Variants in SCGB2B2 observed in about 807,000 individuals in gnomAD.
SCGB2B2 encodes secretoglobin family 2B member 2.
SCGB2B2 carries 11 observed loss-of-function variants against 7.6 expected under a neutral mutation model. The observed-to-expected ratio is 1.45, with a 90% CI of 0.91 to 2.40. The LOEUF is 2.40. SCGB2B2 is among the 30% of genes most tolerant of loss of function. The probability of loss-of-function intolerance (pLI) is 0.00; values close to 1 mark genes in which losing one functional copy is unlikely to be tolerated. For synonymous variants in SCGB2B2, 50 were observed against 48.6 expected (o/e 1.03, Z -0.12); for missense variants, 104 against 115.4 (o/e 0.90, Z 0.45).
At chr19:34,658,141 G>C (rs910931622) in intron 1 of SCGB2B2, among the ~76,000 whole-genome samples, 1 of 152,302 alleles carries the variant, frequency 6.6e-6, no homozygotes, top group Admixed American at 6.5e-5. Context: ...ACAAGAGAAA[G>C]GAGGAGAGAT....
rs374230565 is a variant in SCGB2B2, at chr19:34,673,228, G to GCT, written c.-2032+2400_-2032+2401dup. Among the ~76,000 whole-genome samples the GCT allele has an allele frequency of 5.3e-5, 8 of 151,892 alleles. No homozygotes were observed. In the East Asian group the frequency reaches 7.7e-4, roughly 15 times the overall value. On this transcript the variant is annotated intron_variant, in intron 1 of 3. Transcript: ENST00000601241. ...TAATGTGTTTTAGTTTCTCCTTATT[G>GCT]CTCTCTCTCTCTGCTTCATTTTCTT...
chr19:34,660,988 G>A lies in SCGB2B2; in HGVS notation c.-2032+14642C>T, dbSNP rs7250948. Among the ~76,000 whole-genome samples, 610 of 152,230 alleles carry A rather than the reference G, an allele frequency of 4.0e-3. 5 individuals are homozygous for A. The highest frequency in any genetic ancestry group is 0.014 in the African/African-American group (581 of 41,496). On this transcript the variant is annotated intron_variant, in intron 1 of 3. Coordinates refer to ENST00000601241, the MANE Select transcript of SCGB2B2 (RefSeq NM_001025591.4). ...TGTCCTTTGCAGGGACATGGATGAA[G>A]CTGGAAACCATCATTCTCAGCAAAT...
chr19:34,667,252 C>T (rs2067656188), intron 1 of SCGB2B2, among the ~76,000 whole-genome samples: 1 of 152,176 alleles, frequency 6.6e-6, no homozygotes. Context: ...GATACTCAAC[C>T]TCTGCTGTCA....
intron 1 of SCGB2B2, among the ~76,000 whole-genome samples, chr19:34,615,575 G>C (rs1400814510): frequency 6.6e-6 from 1 of 151,828 alleles, no homozygotes. Context: ...CTGTCTTTGG[G>C]GGTTAGAAGC....
intron 1 of SCGB2B2, among the ~76,000 whole-genome samples, chr19:34,610,770 T>TTTG (rs895851304): frequency 2.1e-5 from 3 of 145,374 alleles, no homozygotes; most frequent in Non-Finnish European, 3.1e-5. Flanking sequence ...GGCCTATAGT[T>TTTG]TTTTTTTTTT....
rs1173853249 is a variant in SCGB2B2 at position 34,676,249 on chromosome 19, TTCTCC to T, written c.-2656_-2652del. On this transcript the variant is annotated 5_prime_UTR_variant, in exon 1 of 4. Coordinates refer to ENST00000601241, the MANE Select transcript of SCGB2B2 (RefSeq NM_001025591.4). ...ACAATCCTTCAGCTATACAGAAAAG[TTCTCC>T]AAGGCCCCACCTGATCCAGAAGCCC... is the stretch of plus-strand genomic sequence containing the variant. 1 of 152,178 alleles carries T rather than the reference TTCTCC, an allele frequency of 6.6e-6. No individual in the cohort carries two copies. The highest frequency in any genetic ancestry group is 1.5e-5 in the Non-Finnish European group (1 of 68,056). The allele number at this position is 152,178 out of a possible 1,614,324, so 9.4% of individuals were successfully genotyped here.
At chr19:34,658,877 C>T (rs1000217505) in intron 1 of SCGB2B2, among the ~76,000 whole-genome samples, 3 of 149,894 alleles carry the variant, frequency 2.0e-5, no homozygotes, top group Non-Finnish European at 4.4e-5. Flanking sequence ...AACATCCATG[C>T]GAAAATCCTC....
At chr19:34,655,536 C>T (rs1383584583) in intron 1 of SCGB2B2, among the ~76,000 whole-genome samples, 3 of 151,258 alleles carry the variant, frequency 2.0e-5, no homozygotes, top group Non-Finnish European at 1.5e-5. Flanking sequence ...GTAAATCTTA[C>T]ACGCACTGAT....
chr19:34,655,118 C>T (rs117776589), intron 1 of SCGB2B2, among the ~76,000 whole-genome samples: 4,103 of 151,236 alleles, frequency 0.027, 96 homozygotes, highest in Non-Finnish European at 0.042. Flanking sequence ...AATTCTAAGG[C>T]CCCCAACCAT....
At chr19:34,668,676 CCT>C (rs1450316779) in intron 1 of SCGB2B2, among the ~76,000 whole-genome samples, 1 of 152,170 alleles carries the variant, frequency 6.6e-6, no homozygotes, top group Admixed American at 6.5e-5. Flanking sequence ...CAGTCAGCAC[CCT>C]GTGTCTAGCT....
intron 1 of SCGB2B2, among the ~76,000 whole-genome samples, chr19:34,607,849 T>C (rs1043211820): frequency 6.6e-6 from 1 of 152,276 alleles, no homozygotes; most frequent in African/African-American, 2.4e-5. Flanking sequence ...TAATCCCTTA[T>C]CAAATATATG....
intron 1 of SCGB2B2, chr19:34,635,079 A>G (rs981646185): frequency 3.4e-6 from 1 of 294,820 alleles, no homozygotes; most frequent in Admixed American, 3.7e-5. Context: ...AGCATTTCCC[A>G]CATTCACTAC....
rs2067927632 is a variant in SCGB2B2, at chr19:34,676,021, G to A, written c.-2423C>T. 1 of 152,238 alleles carries A rather than the reference G, an allele frequency of 6.6e-6. No individual in the cohort carries two copies. Among genetic ancestry groups the A allele is most frequent in the Non-Finnish European group, 1.5e-5 (1 of 68,058 alleles). 9.4% of individuals were successfully genotyped at this position (152,238 alleles called of 1,614,324 possible). A position where few individuals can be genotyped will look rare whatever the true frequency, so the allele number is the denominator to read the frequency against. On this transcript the variant is annotated 5_prime_UTR_variant, in exon 1 of 4. Transcript: ENST00000601241. ...ACAAACATCCCACACCTGGGAAGTAGACCCCAGCGCGGTTGCCGCTGGTTG... is the reference window on the plus strand; with the variant it reads ...ACAAACATCCCACACCTGGGAAGTAAACCCCAGCGCGGTTGCCGCTGGTTG...
At chr19:34,605,185 A>G (rs1409017760) in intron 1 of SCGB2B2, among the ~76,000 whole-genome samples, 2 of 152,204 alleles carry the variant, frequency 1.3e-5, no homozygotes, top group Non-Finnish European at 2.9e-5. Flanking sequence ...TTTTGGCTTC[A>G]TTGGTCTTGT....
intron 1 of SCGB2B2, among the ~76,000 whole-genome samples, chr19:34,613,132 T>C (rs2065981318): frequency 6.6e-6 from 1 of 151,552 alleles, no homozygotes; most frequent in Non-Finnish European, 1.5e-5. Flanking sequence ...GGAGTTTCAC[T>C]TTGTTGCCCA....
At chr19:34,656,458 C>T (rs1265177950) in intron 1 of SCGB2B2, among the ~76,000 whole-genome samples, 1 of 150,958 alleles carries the variant, frequency 6.6e-6, no homozygotes, top group Non-Finnish European at 1.5e-5. Context: ...CAAAAATTAG[C>T]CAGATGTGGT....
intron 1 of SCGB2B2, among the ~76,000 whole-genome samples, chr19:34,612,353 ATTGAT>A (rs1490035847): frequency 6.6e-6 from 1 of 152,086 alleles, no homozygotes; most frequent in Non-Finnish European, 1.5e-5. Flanking sequence ...TTATCTTGTT[ATTGAT>A]TTGTAGTGTT....
chr19:34,587,032 C>T (rs544131760), downstream of SCGB2B2, among the ~76,000 whole-genome samples: 4 of 152,184 alleles, frequency 2.6e-5, no homozygotes, highest in East Asian at 5.8e-4. Context: ...CTCAGCCTCC[C>T]GAGTAGCTGG....
At chr19:34,609,897 C>A (rs1269190493) in intron 1 of SCGB2B2, among the ~76,000 whole-genome samples, 1 of 152,048 alleles carries the variant, frequency 6.6e-6, no homozygotes, top group Non-Finnish European at 1.5e-5. Context: ...ATTGACTCTG[C>A]AGATTGCTTT....
Sources: allele counts gnomAD v4.1 joint callset (sites outside exome capture counted in the v4.1 genomes callset), GRCh38; gene constraint gnomAD v4.1.1; transcripts MANE v1.5; gene names NCBI Gene and HGNC (gene_info 2026-07-23, HGNC 2026-07-21).